The following CSMD1 variants were observed in gnomAD, a reference collection of about 807,000 sequenced individuals.
The protein encoded by CSMD1 is CUB and Sushi multiple domains 1, also known as CUB and sushi domain-containing protein 1.
A neutral mutation model predicts 417.5 loss-of-function variants in CSMD1; 213 were observed. That is an observed-to-expected ratio of 0.51 (90% CI 0.46 to 0.57). The LOEUF (loss-of-function observed/expected upper bound fraction) is 0.57, where lower values mean the gene tolerates loss of function less well. Ranked by LOEUF, CSMD1 falls within the 20% of genes least tolerant of loss-of-function variation. The probability of loss-of-function intolerance (pLI) is 0.00; values close to 1 mark genes in which losing one functional copy is unlikely to be tolerated. For missense variants in CSMD1, 6,923 were observed against 4,529.7 expected, an observed-to-expected ratio of 1.53 and a Z score of -15.17; for synonymous variants, 2,862 against 1,736.8, an observed-to-expected ratio of 1.65 and a Z score of -16.11.
Position 4,768,157 on chromosome 8 carries a change from G to C in CSMD1, c.86-130599C>G, listed in dbSNP as rs538976142. Reference sequence around the variant, plus strand: ...GATGTTTTGGAAAACAAAACTAGTGGTGAAAATTAGCAGGACATTGATGGA... The same window carrying C: ...GATGTTTTGGAAAACAAAACTAGTGCTGAAAATTAGCAGGACATTGATGGA... On this transcript the variant is annotated intron_variant, in intron 1 of 69. Coordinates refer to ENST00000635120, the MANE Select transcript of CSMD1 (RefSeq NM_033225.6). Among the ~76,000 whole-genome samples the C allele has an allele frequency of 2.6e-5, 4 of 152,222 alleles. No homozygotes were observed. In the East Asian group the frequency reaches 7.7e-4, roughly 29 times the overall value.
intron 13 of CSMD1, among the ~76,000 whole-genome samples, chr8:3,408,998 CTCA>C (rs1347524493): frequency 6.6e-6 from 1 of 152,158 alleles, no homozygotes; most frequent in African/African-American, 2.4e-5. Context: ...AAGTGGGCAG[CTCA>C]TCAACTGAAT....
rs190704553 is a variant in CSMD1, at chr8:4,200,674, A to G, written c.416-168575T>C. Among the ~76,000 whole-genome samples, 689 of 152,258 alleles carry G rather than the reference A, an allele frequency of 4.5e-3. 4 individuals carry two copies. The highest frequency in any genetic ancestry group is 0.015 in the African/African-American group (635 of 41,556). On this transcript the variant is annotated intron_variant, in intron 3 of 69. Coordinates refer to ENST00000635120, the MANE Select transcript of CSMD1 (RefSeq NM_033225.6). ...AGTTCAAGACCACCCTGGGCAAGGT[A>G]GGAAGACCGCACCTCTACAAAACAT...
intron 2 of CSMD1, among the ~76,000 whole-genome samples, chr8:4,466,167 G>A (rs937976018): frequency 2.0e-5 from 3 of 152,140 alleles, no homozygotes; most frequent in African/African-American, 7.2e-5. Context: ...CTTACTCCGT[G>A]GTCTTAAGAG....
rs370652037 is a variant in CSMD1, at chr8:3,787,772, C to G, written c.819-33730G>C. Among the ~76,000 whole-genome samples, 7 of 152,290 alleles carry G rather than the reference C, an allele frequency of 4.6e-5. No homozygotes were observed. The East Asian group carries it at 9.6e-4, about 21-fold the overall frequency. On this transcript the variant is annotated intron_variant, in intron 5 of 69. Transcript: ENST00000635120. Reference sequence around the variant, plus strand: ...GGGGAAGTTAAGAAGTGTTATAATACAAGCTAGGAACTGGCACTTTTTAGT... The same window carrying G: ...GGGGAAGTTAAGAAGTGTTATAATAGAAGCTAGGAACTGGCACTTTTTAGT...
At chr8:4,046,180 G>T (rs1178874567) in intron 3 of CSMD1, among the ~76,000 whole-genome samples, 4 of 151,980 alleles carry the variant, frequency 2.6e-5, no homozygotes, top group Non-Finnish European at 4.4e-5. Context: ...ATTTATATGT[G>T]TATGTGTGCG....
intron 3 of CSMD1, among the ~76,000 whole-genome samples, chr8:4,268,899 T>C (rs1804394128): frequency 6.6e-6 from 1 of 152,242 alleles, no homozygotes; most frequent in Non-Finnish European, 1.5e-5. Context: ...TAATGCATCA[T>C]ATACTCATCA....
At chr8:4,425,105 G>C (rs1797470921) in intron 2 of CSMD1, among the ~76,000 whole-genome samples, 1 of 151,894 alleles carries the variant, frequency 6.6e-6, no homozygotes, top group Admixed American at 6.6e-5. Context: ...CCTAAGTTAG[G>C]TACAAAATAA....
At chr8:4,129,200 A>G (rs1050859207) in intron 3 of CSMD1, among the ~76,000 whole-genome samples, 3 of 152,140 alleles carry the variant, frequency 2.0e-5, no homozygotes, top group East Asian at 3.9e-4. Flanking sequence ...TCTACACTTA[A>G]TATGTTCAAA....
intron 37 of CSMD1, among the ~76,000 whole-genome samples, chr8:3,180,093 G>C (rs1264154601): frequency 6.6e-6 from 1 of 152,156 alleles, no homozygotes; most frequent in Non-Finnish European, 1.5e-5. Context: ...CTTATTAAAG[G>C]AGATGAATAT....
intron 5 of CSMD1, among the ~76,000 whole-genome samples, chr8:3,785,610 G>T (rs1392292377): frequency 3.9e-5 from 6 of 152,234 alleles, no homozygotes; most frequent in Non-Finnish European, 8.8e-5. Flanking sequence ...TCATTTATAA[G>T]ATGTTAGAAG....
rs557013985 is a variant in CSMD1, at chr8:3,318,430, G to T, written c.3632-9927C>A. Among the ~76,000 whole-genome samples, 22 of 152,244 alleles carry T rather than the reference G, an allele frequency of 1.4e-4. 2 individuals are homozygous for T. The South Asian group carries it at 4.6e-3, about 32-fold the overall frequency. On this transcript the variant is annotated intron_variant, in intron 23 of 69. Transcript: ENST00000635120. ...GGCTTCAGATATTTTGCTAGACGCCGAAGATACAAAATTAACTGACCTCAG... is the reference window on the plus strand; with the variant it reads ...GGCTTCAGATATTTTGCTAGACGCCTAAGATACAAAATTAACTGACCTCAG...
At chr8:2,980,721 G>C (rs1490414384) in intron 54 of CSMD1, among the ~76,000 whole-genome samples, 4 of 152,142 alleles carry the variant, frequency 2.6e-5, no homozygotes, top group Non-Finnish European at 2.9e-5. Context: ...CTCTTTAAGG[G>C]TCACTCTTGC....
At chr8:4,630,180 C>A (rs1417342392) in intron 2 of CSMD1, among the ~76,000 whole-genome samples, 2 of 152,052 alleles carry the variant, frequency 1.3e-5, no homozygotes, top group East Asian at 3.9e-4. Flanking sequence ...ATTATTATCT[C>A]TCTTACATGT....
chr8:3,535,344 A>C lies in CSMD1; in HGVS notation c.1344+39601T>G, dbSNP rs182350815. On this transcript the variant is annotated intron_variant, in intron 10 of 69. Transcript: ENST00000635120. The stretch of plus-strand genomic sequence containing the variant: ...TTTCTATATACCATGCTGAGTCACT[A>C]TAGGAAGAACCTGAGTCCAGAGGAC... Among the ~76,000 whole-genome samples, 37 of 152,284 alleles carry C rather than the reference A, an allele frequency of 2.4e-4. 1 individual carries two copies. In the East Asian group the frequency reaches 7.0e-3, roughly 29 times the overall value.
At chr8:4,387,886 G>T (rs1337113737) in intron 3 of CSMD1, among the ~76,000 whole-genome samples, 2 of 151,914 alleles carry the variant, frequency 1.3e-5, no homozygotes, top group Non-Finnish European at 2.9e-5. Context: ...ATTCCAAATC[G>T]TATCTGCCAA....
At chr8:3,845,168 A>T (rs915436902) in intron 5 of CSMD1, among the ~76,000 whole-genome samples, 1 of 152,226 alleles carries the variant, frequency 6.6e-6, no homozygotes, top group African/African-American at 2.4e-5. Flanking sequence ...AGTTTATGGG[A>T]ATTAGAAAAC....
intron 3 of CSMD1, among the ~76,000 whole-genome samples, chr8:4,071,309 A>T (rs2130779943): frequency 6.6e-6 from 1 of 152,170 alleles, no homozygotes; most frequent in East Asian, 1.9e-4. Flanking sequence ...TATTCTACTG[A>T]TTAGATAATT....
At chr8:3,370,975 C>CAA (rs58410294) in intron 18 of CSMD1, among the ~76,000 whole-genome samples, 10 of 143,462 alleles carry the variant, frequency 7.0e-5, no homozygotes, top group South Asian at 2.2e-4. Flanking sequence ...CAAACTCCAT[C>CAA]AAAAAAAAAA....
chr8:3,565,035 C>T (rs1267189281), intron 10 of CSMD1, among the ~76,000 whole-genome samples: 1 of 144,986 alleles, frequency 6.9e-6, no homozygotes, highest in African/African-American at 2.5e-5. Context: ...ACACATTTAC[C>T]TGTGTAACAA....
Sources: allele counts gnomAD v4.1 joint callset (sites outside exome capture counted in the v4.1 genomes callset), GRCh38; gene constraint gnomAD v4.1.1; transcripts MANE v1.5; gene names NCBI Gene and HGNC (gene_info 2026-07-23, HGNC 2026-07-21).